The following ARHGEF37 variants were observed in gnomAD, a reference collection of about 807,000 sequenced individuals.
ARHGEF37 encodes the protein Rho guanine nucleotide exchange factor 37, also known as Rho guanine nucleotide exchange factor (GEF) 37.
ARHGEF37 carries 55 observed loss-of-function variants against 71.1 expected under a neutral mutation model. The observed-to-expected ratio is 0.77, with a 90% CI of 0.62 to 0.97. The LOEUF (loss-of-function observed/expected upper bound fraction) is 0.97. Among genes scored for constraint, ARHGEF37 ranks in the 50% least tolerant of loss-of-function variants. The pLI is 0.00. For synonymous variants in ARHGEF37, 327 were observed against 350.6 expected (o/e 0.93, Z 0.75); for missense variants, 765 against 836.8 (o/e 0.91, Z 1.06).
At chr5:149,605,661 C>A (rs1763896972) in intron 3 of ARHGEF37, among the ~76,000 whole-genome samples, 2 of 152,186 alleles carry the variant, frequency 1.3e-5, no homozygotes, top group South Asian at 4.1e-4. Flanking sequence ...AAAATAGTAT[C>A]CATCTCTGTG....
Position 149,618,315 on chromosome 5 carries a change from G to A in ARHGEF37, c.789+9G>A. On this transcript the variant is annotated intron_variant, in intron 6 of 12. Transcript: ENST00000333677. ...CGGGGCTGATCCCCAGGGTGAGCGTGCGCCTGGGAGGAAGAGTCACATCCA... is the reference window on the plus strand; with the variant it reads ...CGGGGCTGATCCCCAGGGTGAGCGTACGCCTGGGAGGAAGAGTCACATCCA... The A allele has an allele frequency of 6.2e-7, 1 of 1,614,058 alleles. No homozygotes were observed. The highest frequency in any genetic ancestry group is 8.5e-7 in the Non-Finnish European group (1 of 1,179,958).
intron 1 of ARHGEF37, among the ~76,000 whole-genome samples, chr5:149,590,191 GAA>G (rs1358381216): frequency 6.6e-6 from 1 of 150,958 alleles, no homozygotes; most frequent in African/African-American, 2.4e-5. Flanking sequence ...GAACAGAAGA[GAA>G]GAGAGAGAAA....
intron 4 of ARHGEF37, among the ~76,000 whole-genome samples, chr5:149,610,087 C>G (rs137862998): frequency 6.6e-6 from 1 of 152,160 alleles, no homozygotes; most frequent in Non-Finnish European, 1.5e-5. Flanking sequence ...AATCACTTCT[C>G]GTAATTCATT....
At chr5:149,598,346 T>C (rs903678220) in intron 2 of ARHGEF37, among the ~76,000 whole-genome samples, 6 of 106,570 alleles carry the variant, frequency 5.6e-5, no homozygotes, top group Non-Finnish European at 2.1e-5. Flanking sequence ...TTCCTCTTCC[T>C]CTTCTTCTTC....
In ARHGEF37 at chr5:149,621,989, T is replaced by C. The variant is rs1364230701; in HGVS notation, c.1262T>C (p.Met421Thr). 6.2e-7 allele frequency: 1 copy of C among 1,614,050 alleles called. No individual in the cohort carries two copies. The highest frequency in any genetic ancestry group is 8.5e-7 in the Non-Finnish European group (1 of 1,180,020). Residue 421 changes from methionine (M) to threonine (T), a missense_variant, in exon 9 of 13, where the codon ATG becomes ACG. Physicochemically the swap from Met to Thr is moderately conservative, Grantham distance 81. This residue lies in a region of ARHGEF37 where 390 missense variants were observed against 407.4 expected (regional missense o/e 0.96). Coordinates refer to ENST00000333677, the MANE Select transcript of ARHGEF37 (RefSeq NM_001001669.3). ...QLVMQWLGQI[M>T]CTFVTLQRDL... The stretch of plus-strand genomic sequence containing the variant: ...GTCATGCAGTGGCTGGGCCAGATCA[T>C]GTGCACATTCGTGACCCTCCAGAGG...
chr5:149,631,928 G>C, intron 12 of ARHGEF37, 54 bp from the exon 13 acceptor site: 1 of 1,583,578 alleles, frequency 6.3e-7, no homozygotes. Context: ...TCTGGATCCA[G>C]TCTGTCTACC....
chr5:149,592,985 G>T (rs893956184), intron 1 of ARHGEF37, among the ~76,000 whole-genome samples: 1 of 152,104 alleles, frequency 6.6e-6, no homozygotes, highest in Admixed American at 6.5e-5. Context: ...GGTCAGGCTG[G>T]TCTTGAACTC....
At chr5:149,604,832 G>A (rs149488363) in intron 3 of ARHGEF37, among the ~76,000 whole-genome samples, 3,880 of 151,576 alleles carry the variant, frequency 0.026, 162 homozygotes, top group African/African-American at 0.09. Flanking sequence ...ACAGGCGTGC[G>A]CCACCACGCC....
At chr5:149,585,520 T>G in intron 1 of ARHGEF37, among the ~76,000 whole-genome samples, 1 of 152,170 alleles carries the variant, frequency 6.6e-6, no homozygotes, top group Non-Finnish European at 1.5e-5. Flanking sequence ...TACTGTATTA[T>G]TTATTTATTT....
intron 1 of ARHGEF37, among the ~76,000 whole-genome samples, chr5:149,574,365 T>C (rs775978335): frequency 7.9e-5 from 12 of 152,228 alleles, no homozygotes; most frequent in Non-Finnish European, 1.5e-4. Context: ...TCTGGTGGTA[T>C]GGGACCAGAC....
At chr5:149,610,996 AGGTCAGCTTTGCTG>A (rs1190228956) in intron 4 of ARHGEF37, among the ~76,000 whole-genome samples, 5 of 152,276 alleles carry the variant, frequency 3.3e-5, no homozygotes, top group Non-Finnish European at 7.3e-5. Flanking sequence ...AGTCACCTGC[AGGTCAGCTTTGCTG>A]ATCCTGGCTG....
At chr5:149,568,505 T>C (rs757621609) in intron 1 of ARHGEF37, among the ~76,000 whole-genome samples, 2 of 152,134 alleles carry the variant, frequency 1.3e-5, no homozygotes, top group Non-Finnish European at 1.5e-5. Context: ...AACAAATGCA[T>C]GTACCCTTGT....
Position 149,632,080 on chromosome 5 carries a change from GA to G in ARHGEF37, c.1919del (p.Asn640ThrfsTer9). The G allele has an allele frequency of 6.2e-7, 1 of 1,614,280 alleles. No homozygotes were observed. The highest frequency in any genetic ancestry group is 8.5e-7 in the Non-Finnish European group (1 of 1,180,052). Reference protein sequence around the residue: ...TILEAQDKKGNPEWSLVEVNG... With the variant: ...TILEAQDKKGXPEWSLVEVNG... ...TCCTGGAGGCCCAGGACAAGAAGGG[GA>G]ACCCTGAGTGGAGCCTGGTGGAAGT... On this transcript the variant is annotated frameshift_variant, in exon 13 of 13. Coordinates refer to ENST00000333677, the MANE Select transcript of ARHGEF37 (RefSeq NM_001001669.3). LOFTEE classifies it high-confidence loss of function.
At chr5:149,565,225 T>C (rs1737461115) in intron 1 of ARHGEF37, among the ~76,000 whole-genome samples, 1 of 152,214 alleles carries the variant, frequency 6.6e-6, no homozygotes, top group Admixed American at 6.5e-5. Flanking sequence ...AGCACCCTGT[T>C]CTTCCTTCTA....
intron 1 of ARHGEF37, among the ~76,000 whole-genome samples, chr5:149,575,519 T>A (rs570238447): frequency 6.6e-6 from 1 of 152,270 alleles, no homozygotes; most frequent in African/African-American, 2.4e-5. Flanking sequence ...GGGATACTAT[T>A]CTAAGCAATG....
At chr5:149,593,886 GACCCATGCAGTCAA>G (rs544995818) in intron 1 of ARHGEF37, among the ~76,000 whole-genome samples, 2 of 152,096 alleles carry the variant, frequency 1.3e-5, no homozygotes, top group Non-Finnish European at 2.9e-5. Context: ...TGTATAAGTG[GACCCATGCAGTCAA>G]ACCCATGCTG....
At chr5:149,614,542 G>A (rs1752322462) in intron 4 of ARHGEF37, among the ~76,000 whole-genome samples, 1 of 152,146 alleles carries the variant, frequency 6.6e-6, no homozygotes, top group African/African-American at 2.4e-5. Context: ...TCTCTTCCAG[G>A]ACCCCTTGCT....
chr5:149,601,337 A>G (rs1763749926), intron 3 of ARHGEF37, 106 bp downstream of exon 3: 1 of 1,370,212 alleles, frequency 7.3e-7, no homozygotes, highest in Non-Finnish European at 9.8e-7. Flanking sequence ...AATGCAGCTC[A>G]ACGGCAGTCT....
chr5:149,558,649 C>T (rs139066736), intron 1 of ARHGEF37, among the ~76,000 whole-genome samples: 8 of 151,560 alleles, frequency 5.3e-5, no homozygotes, highest in Non-Finnish European at 8.8e-5. Flanking sequence ...AGCCACTGTG[C>T]CCAACCAGAC....
Sources: gnomAD v4.1 joint callset for allele counts (sites outside exome capture counted in the v4.1 genomes callset) on GRCh38, gnomAD v4.1.1 for gene constraint, gnomAD v4.1.1 regional missense constraint, MANE v1.5 for transcripts, NCBI Gene and HGNC (gene_info 2026-07-23, HGNC 2026-07-21) for gene names.